The following CCR5AS variants were observed in gnomAD, a reference collection of about 807,000 sequenced individuals.
The protein encoded by CCR5AS is CCR5 antisense RNA.
intron 1 of CCR5AS, among the ~76,000 whole-genome samples, chr3:46,404,991 G>A (rs965118862): frequency 1.7e-4 from 26 of 152,228 alleles, no homozygotes; most frequent in African/African-American, 6.0e-4. Context: ...GACCTTCAGA[G>A]GTAAGCTTTG....
chr3:46,383,386 G>A lies in CCR5AS; in HGVS notation n.391+9439C>T, dbSNP rs912850343. ...TCCCCACCCCTTCCTTCTGGACTCTGACAGAAGCTTACACTCAAGGAAGAG... is the reference window on the plus strand; with the variant it reads ...TCCCCACCCCTTCCTTCTGGACTCTAACAGAAGCTTACACTCAAGGAAGAG... On this transcript the variant is annotated intron_variant and non_coding_transcript_variant, in intron 2 of 3. Transcript: ENST00000451485. Among the ~76,000 whole-genome samples, 21 of 152,292 alleles carry A rather than the reference G, an allele frequency of 1.4e-4. 1 individual carries two copies. In the Middle Eastern group the frequency reaches 0.01, roughly 74 times the overall value.
intron 3 of CCR5AS, among the ~76,000 whole-genome samples, chr3:46,369,657 T>A (rs768921608): frequency 3.3e-5 from 5 of 152,138 alleles, no homozygotes; most frequent in Non-Finnish European, 7.4e-5. Context: ...GCTGAAAGAG[T>A]AACTAAGAGT....
chr3:46,387,755 G>T (rs969345361), intron 2 of CCR5AS, among the ~76,000 whole-genome samples: 1 of 152,180 alleles, frequency 6.6e-6, no homozygotes, highest in South Asian at 2.1e-4. Flanking sequence ...TTAATCATGT[G>T]GGTGCAGGCA....
chr3:46,381,024 A>C (rs1397019456), intron 2 of CCR5AS, among the ~76,000 whole-genome samples: 1 of 152,170 alleles, frequency 6.6e-6, no homozygotes, highest in Non-Finnish European at 1.5e-5. Flanking sequence ...AAGCATGTGA[A>C]TCTAGACTTC....
At chr3:46,383,996 G>T (rs1701836788) in intron 2 of CCR5AS, among the ~76,000 whole-genome samples, 1 of 152,224 alleles carries the variant, frequency 6.6e-6, no homozygotes. Flanking sequence ...CCTGAGGTTT[G>T]TGGTCTCACG....
intron 2 of CCR5AS, chr3:46,375,791 A>C (rs1246752777): frequency 6.0e-6 from 1 of 166,746 alleles, no homozygotes; most frequent in Admixed American, 6.6e-5. Flanking sequence ...ATTCATTTCA[A>C]AGGGAGAGAG....
chr3:46,387,606 G>A (rs1701874811), intron 2 of CCR5AS, among the ~76,000 whole-genome samples: 1 of 152,156 alleles, frequency 6.6e-6, no homozygotes, highest in Non-Finnish European at 1.5e-5. Context: ...AAAATTAACT[G>A]GGGGTGGTGG....
intron 2 of CCR5AS, among the ~76,000 whole-genome samples, chr3:46,385,554 T>C (rs1701853389): frequency 6.6e-6 from 1 of 152,108 alleles, no homozygotes; most frequent in African/African-American, 2.4e-5. Flanking sequence ...GGAACACTCA[T>C]GTTTGGTGTA....
At chr3:46,378,861 T>C (rs1024640111) in intron 2 of CCR5AS, among the ~76,000 whole-genome samples, 2 of 152,108 alleles carry the variant, frequency 1.3e-5, no homozygotes, top group Non-Finnish European at 2.9e-5. Context: ...GATCAGAAAA[T>C]GTTTTGTGAC....
chr3:46,405,017 G>A (rs953106168), intron 1 of CCR5AS, among the ~76,000 whole-genome samples: 5 of 152,202 alleles, frequency 3.3e-5, no homozygotes, highest in African/African-American at 9.7e-5. Flanking sequence ...CACTTGCCAA[G>A]GCTGCAGAAT....
At chr3:46,394,243 C>T (rs866215776) in intron 1 of CCR5AS, among the ~76,000 whole-genome samples, 1 of 152,154 alleles carries the variant, frequency 6.6e-6, no homozygotes, top group South Asian at 2.1e-4. Context: ...CAACAAAAAC[C>T]TACCCATCCA....
chr3:46,393,460 C>T lies in CCR5AS; in HGVS notation n.164-408G>A, dbSNP rs1216230718. Among the ~76,000 whole-genome samples the T allele has an allele frequency of 1.2e-4, 12 of 103,972 alleles. 1 individual carries two copies. The highest frequency in any genetic ancestry group is 4.5e-4 in the African/African-American group (11 of 24,664). 68.2% of individuals were successfully genotyped at this position (103,972 alleles called of 152,430 possible). A position where few individuals can be genotyped will look rare whatever the true frequency, so the allele number is the denominator to read the frequency against. Reference sequence around the variant, plus strand: ...CACTCCTGCCTGGGCAACAGAGCCACAAAAAAAAAAGAAAAGAAAAGAAAA... The same window carrying T: ...CACTCCTGCCTGGGCAACAGAGCCATAAAAAAAAAAGAAAAGAAAAGAAAA... On this transcript the variant is annotated intron_variant and non_coding_transcript_variant, in intron 1 of 3. Transcript: ENST00000451485.
chr3:46,376,141 G>A (rs1457069989), intron 2 of CCR5AS: 1 of 167,010 alleles, frequency 6.0e-6, no homozygotes, highest in East Asian at 1.9e-4. Context: ...ATATTCTTAT[G>A]TATGTGAAAG....
rs555028689 is a variant in CCR5AS at position 46,371,939 on chromosome 3, G to C, written n.392-522C>G. ...TTAATTCTCTTTTCGAGGACTGAGA[G>C]GGAGGGTAGCATGGTAGTTAAGAGT... On this transcript the variant is annotated intron_variant and non_coding_transcript_variant, in intron 2 of 3. Transcript: ENST00000451485. Among the ~76,000 whole-genome samples, 4 of 152,280 alleles carry C rather than the reference G, an allele frequency of 2.6e-5. No individual in the cohort carries two copies. In the East Asian group the frequency reaches 7.7e-4, roughly 29 times the overall value.
intron 1 of CCR5AS, among the ~76,000 whole-genome samples, chr3:46,394,374 G>A (rs777220924): frequency 3.3e-5 from 5 of 152,140 alleles, no homozygotes; most frequent in African/African-American, 1.2e-4. Flanking sequence ...AGATTTCGGC[G>A]ACTTACTCCA....
At chr3:46,376,499 A>C (rs1701759640) in intron 2 of CCR5AS, among the ~76,000 whole-genome samples, 1 of 152,216 alleles carries the variant, frequency 6.6e-6, no homozygotes, top group South Asian at 2.1e-4. Flanking sequence ...TCAAATTTTA[A>C]TTCCACTACT....
At chr3:46,385,312 C>G (rs866220295) in intron 2 of CCR5AS, among the ~76,000 whole-genome samples, 25 of 152,210 alleles carry the variant, frequency 1.6e-4, no homozygotes, top group Middle Eastern at 6.8e-3. Context: ...AGGGTGGTCA[C>G]AGGAGAATGG....
chr3:46,368,264 T>G (rs757847594), intron 3 of CCR5AS, among the ~76,000 whole-genome samples: 6 of 152,134 alleles, frequency 3.9e-5, no homozygotes, highest in African/African-American at 1.2e-4. Flanking sequence ...AAAAGTTCAT[T>G]TCCTATGGGG....
intron 2 of CCR5AS, among the ~76,000 whole-genome samples, chr3:46,391,888 C>T (rs996258281): frequency 6.6e-6 from 1 of 152,014 alleles, no homozygotes; most frequent in Non-Finnish European, 1.5e-5. Flanking sequence ...GGACTCAGAG[C>T]TTGGGGTGGA....
Sources: gnomAD v4.1 joint callset for allele counts (sites outside exome capture counted in the v4.1 genomes callset) on GRCh38, gnomAD v4.1.1 for gene constraint, MANE v1.5 for transcripts, NCBI Gene and HGNC (gene_info 2026-07-23, HGNC 2026-07-21) for gene names.